The following IL1RAP variants were observed in gnomAD, a reference collection of about 807,000 sequenced individuals.
IL1RAP encodes the protein interleukin-1 receptor accessory protein.
IL1RAP carries 35 observed loss-of-function variants against 60.7 expected under a neutral mutation model. That is an observed-to-expected ratio of 0.58 (90% CI 0.44 to 0.76). The LOEUF (loss-of-function observed/expected upper bound fraction) is 0.76. Ranked by LOEUF, IL1RAP falls within the 30% of genes least tolerant of loss-of-function variation. The pLI is 0.00. For synonymous variants in IL1RAP, 268 were observed against 250.9 expected (o/e 1.07, Z -0.64); for missense variants, 572 against 693.9 (o/e 0.82, Z 1.97).
At chr3:190,625,845 A>G (rs1732216691) in intron 7 of IL1RAP, among the ~76,000 whole-genome samples, 1 of 152,076 alleles carries the variant, frequency 6.6e-6, no homozygotes, top group African/African-American at 2.4e-5. Context: ...TTAATAACAT[A>G]AATATATTTG....
chr3:190,629,619 T>C (rs1470836382), intron 9 of IL1RAP, 121 bp downstream of exon 9: 5 of 1,415,886 alleles, frequency 3.5e-6, no homozygotes, highest in African/African-American at 1.4e-5. Flanking sequence ...ATCTAACCCA[T>C]AGTAATGAAT....
chr3:190,562,194 T>C (rs539182357), intron 2 of IL1RAP, among the ~76,000 whole-genome samples: 15 of 152,336 alleles, frequency 9.8e-5, no homozygotes, highest in African/African-American at 3.1e-4. Context: ...AAAGTTTCTT[T>C]TTCTCACATG....
intron 9 of IL1RAP, among the ~76,000 whole-genome samples, chr3:190,643,532 A>G (rs1441071860): frequency 2.9e-5 from 4 of 137,410 alleles, no homozygotes. Flanking sequence ...GGTGCCTAAA[A>G]TATAAAAAAT....
chr3:190,543,841 A>G (rs1053892006), intron 1 of IL1RAP, among the ~76,000 whole-genome samples: 8 of 152,194 alleles, frequency 5.3e-5, no homozygotes, highest in Admixed American at 1.3e-4. Context: ...TCAGGGAAGT[A>G]GCACTAGGAT....
At chr3:190,645,979 T>C in intron 11 of IL1RAP, 137 bp downstream of exon 11, 1 of 688,864 alleles carries the variant, frequency 1.5e-6, no homozygotes, top group Non-Finnish European at 2.4e-6. Flanking sequence ...AACAGACTCC[T>C]CTAGAAATAA....
At chr3:190,621,312 A>C (rs2108795714) in intron 6 of IL1RAP, among the ~76,000 whole-genome samples, 1 of 152,308 alleles carries the variant, frequency 6.6e-6, no homozygotes, top group East Asian at 1.9e-4. Flanking sequence ...ATTTAGTATA[A>C]GTTAGCTACA....
chr3:190,587,006 A>G (rs1728520056), intron 3 of IL1RAP, among the ~76,000 whole-genome samples: 1 of 152,132 alleles, frequency 6.6e-6, no homozygotes. Flanking sequence ...GTGCCCACCC[A>G]CTTCCGTTCT....
At chr3:190,533,833 C>T (rs1044128566) in intron 1 of IL1RAP, among the ~76,000 whole-genome samples, 2 of 152,146 alleles carry the variant, frequency 1.3e-5, no homozygotes, top group Admixed American at 1.3e-4. Flanking sequence ...ACAAGCATCC[C>T]CTGAAAAATA....
intron 3 of IL1RAP, among the ~76,000 whole-genome samples, chr3:190,588,948 A>G (rs1728705589): frequency 1.3e-5 from 2 of 152,192 alleles, no homozygotes; most frequent in Non-Finnish European, 2.9e-5. Flanking sequence ...TTATATGCAG[A>G]AGTAATGTTC....
Position 190,609,013 on chromosome 3 carries a change from C to G in IL1RAP, c.369C>G (p.Ser123Arg), listed in dbSNP as rs775816959. 2 of 1,612,872 alleles carry G rather than the reference C, an allele frequency of 1.2e-6. No individual in the cohort carries two copies. The highest frequency in any genetic ancestry group is 1.7e-6 in the Non-Finnish European group (2 of 1,179,338). ...TTTTCAGGAACACTACATATTGCAG[C>G]AAAGTTGCATTTCCCTTGGAAGTTG... is the stretch of plus-strand genomic sequence containing the variant. ...TCMLRNTTYC[S>R]KVAFPLEVVQ... Residue 123 changes from serine (S) to arginine (R), a missense_variant, in exon 5 of 12, where the codon AGC (serine) becomes AGG (arginine). Physicochemically the swap from Ser to Arg is moderately radical, Grantham distance 110. Transcript: ENST00000447382.
At chr3:190,611,864 C>T (rs9821331) in intron 5 of IL1RAP, among the ~76,000 whole-genome samples, 11,661 of 152,058 alleles carry the variant, frequency 0.077, 848 homozygotes, top group African/African-American at 0.19. Flanking sequence ...GAAAGAGATG[C>T]AGAGACTGAT....
At chr3:190,537,921 T>G (rs1440496314) in intron 1 of IL1RAP, among the ~76,000 whole-genome samples, 3 of 152,186 alleles carry the variant, frequency 2.0e-5, no homozygotes, top group Non-Finnish European at 4.4e-5. Flanking sequence ...CTTGTTTTCC[T>G]CTAAATATCT....
At chr3:190,611,307 A>C (rs139966029) in intron 5 of IL1RAP, among the ~76,000 whole-genome samples, 1 of 152,316 alleles carries the variant, frequency 6.6e-6, no homozygotes, top group Admixed American at 6.5e-5. Flanking sequence ...GAGTCGGATT[A>C]AGCCTTTGGA....
intron 4 of IL1RAP, 22 bp from the exon 5 acceptor site, chr3:190,608,973 C>T (rs1357401519): frequency 6.3e-7 from 1 of 1,594,506 alleles, no homozygotes; most frequent in Non-Finnish European, 8.6e-7. Flanking sequence ...ACTACCCATT[C>T]ATTGTATATT....
At chr3:190,645,357 G>T (rs574704144) in intron 10 of IL1RAP, among the ~76,000 whole-genome samples, 1 of 152,300 alleles carries the variant, frequency 6.6e-6, no homozygotes, top group South Asian at 2.1e-4. Context: ...ATATTAATGA[G>T]TGATAGGCTT....
chr3:190,562,269 T>G (rs1419767483), intron 2 of IL1RAP, among the ~76,000 whole-genome samples: 1 of 152,228 alleles, frequency 6.6e-6, no homozygotes, highest in Admixed American at 6.5e-5. Context: ...TTTCGTCTTC[T>G]TTTATTGTCT....
chr3:190,650,751 A>AT lies in IL1RAP; in HGVS notation c.*2048dup. On this transcript the variant is annotated 3_prime_UTR_variant, in exon 12 of 12. Transcript: ENST00000447382. ...ATATTTTTCCCTATTAGAAACCACA[A>AT]TTACTCCCTCTATTAACCCTTCACT... 1 of 983,386 alleles carries AT rather than the reference A, an allele frequency of 1.0e-6. No individual in the cohort carries two copies. The highest frequency in any genetic ancestry group is 1.2e-6 in the Non-Finnish European group (1 of 828,128). 60.9% of individuals were successfully genotyped at this position (983,386 alleles called of 1,614,324 possible).
At chr3:190,627,476 A>G in intron 8 of IL1RAP, 27 bp downstream of exon 8, 1 of 1,599,252 alleles carries the variant, frequency 6.3e-7, no homozygotes, top group Non-Finnish European at 8.5e-7. Context: ...CAAGGGAGTG[A>G]TTAACCTTTG....
At chr3:190,602,689 AG>A (rs1368383185) in intron 3 of IL1RAP, among the ~76,000 whole-genome samples, 2 of 152,234 alleles carry the variant, frequency 1.3e-5, no homozygotes, top group East Asian at 3.8e-4. Context: ...TGTAATTAAA[AG>A]AATGATGTAA....
Sources: gnomAD v4.1 joint callset for allele counts (sites outside exome capture counted in the v4.1 genomes callset) on GRCh38, gnomAD v4.1.1 for gene constraint, MANE v1.5 for transcripts, NCBI Gene and HGNC (gene_info 2026-07-23, HGNC 2026-07-21) for gene names.